The following TANC2 variants were observed in gnomAD, a reference collection of about 807,000 sequenced individuals.
TANC2 encodes protein TANC2.
In TANC2, 26 loss-of-function variants were observed where a neutral mutation model predicts 210.5. The observed-to-expected ratio is 0.12, with a 90% CI of 0.09 to 0.17. The LOEUF (loss-of-function observed/expected upper bound fraction) is 0.17. Among genes scored for constraint, TANC2 ranks in the 10% least tolerant of loss-of-function variants. The pLI, the probability that TANC2 is intolerant of heterozygous loss-of-function variation, is 1.00. For synonymous variants in TANC2, 931 were observed against 967.1 expected (o/e 0.96, Z 0.69); for missense variants, 2,129 against 2,608.9 (o/e 0.82, Z 4.01).
intron 5 of TANC2, among the ~76,000 whole-genome samples, chr17:63,173,599 T>C (rs1054303399): frequency 6.6e-6 from 1 of 152,186 alleles, no homozygotes; most frequent in African/African-American, 2.4e-5. Context: ...CTTTCCTTTT[T>C]TCTATTATAA....
At chr17:62,982,449 T>C (rs2032352161) in intron 1 of TANC2, among the ~76,000 whole-genome samples, 1 of 152,208 alleles carries the variant, frequency 6.6e-6, no homozygotes, top group East Asian at 1.9e-4. Flanking sequence ...TTTTTCAACA[T>C]TTTGATCTTT....
chr17:63,294,276 G>A (rs1389197133), intron 9 of TANC2, among the ~76,000 whole-genome samples: 2 of 152,036 alleles, frequency 1.3e-5, no homozygotes, highest in South Asian at 2.1e-4. Context: ...TCAGGAGTTC[G>A]ACACCAGCGT....
intron 1 of TANC2, among the ~76,000 whole-genome samples, chr17:63,005,896 TTGTGTGTGTGTGTGTG>T (rs56763847): frequency 7.0e-4 from 93 of 132,844 alleles, no homozygotes; most frequent in Admixed American, 1.0e-3. Flanking sequence ...GCTGTATAGT[TTGTGTGTGTGTGTGTG>T]TGTGTGTGTG....
At chr17:63,121,994 G>A (rs1333012598) in intron 4 of TANC2, among the ~76,000 whole-genome samples, 1 of 151,376 alleles carries the variant, frequency 6.6e-6, no homozygotes, top group Non-Finnish European at 1.5e-5. Flanking sequence ...AAGAGGGGGA[G>A]GGGAGGGTGC....
chr17:63,119,593 AT>A (rs2038383785), intron 4 of TANC2, among the ~76,000 whole-genome samples: 3 of 152,202 alleles, frequency 2.0e-5, no homozygotes, highest in Non-Finnish European at 4.4e-5. Context: ...GGAATTTTAA[AT>A]TTTATGTATA....
chr17:63,050,306 G>A (rs1306751175), intron 2 of TANC2, among the ~76,000 whole-genome samples: 4 of 151,174 alleles, frequency 2.6e-5, no homozygotes, highest in East Asian at 1.9e-4. Flanking sequence ...TCAGTGAGCC[G>A]TGATCATGCC....
chr17:63,281,539 T>G (rs927160033), intron 9 of TANC2, among the ~76,000 whole-genome samples: 4 of 151,890 alleles, frequency 2.6e-5, no homozygotes, highest in Admixed American at 2.0e-4. Flanking sequence ...CCGGCTAAGT[T>G]AACTTGAACA....
At chr17:63,131,501 A>G (rs562045649) in intron 4 of TANC2, among the ~76,000 whole-genome samples, 13 of 150,644 alleles carry the variant, frequency 8.6e-5, no homozygotes, top group African/African-American at 2.2e-4. Flanking sequence ...CAAATATCAC[A>G]TCGTTATTAC....
intron 9 of TANC2, among the ~76,000 whole-genome samples, chr17:63,304,218 A>C (rs1038908230): frequency 2.6e-4 from 39 of 151,848 alleles, no homozygotes; most frequent in Non-Finnish European, 1.2e-4. Flanking sequence ...CCTCTTCATG[A>C]GTCTGTCTAG....
At chr17:63,351,166 C>A in intron 12 of TANC2, 84 bp from the exon 13 acceptor site, 1 of 1,254,236 alleles carries the variant, frequency 8.0e-7, no homozygotes, top group Non-Finnish European at 1.1e-6. Flanking sequence ...TATTTTGTTC[C>A]AAAGAAATAT....
At chr17:63,006,970 A>G (rs994615702) in intron 1 of TANC2, among the ~76,000 whole-genome samples, 1 of 152,134 alleles carries the variant, frequency 6.6e-6, no homozygotes, top group Non-Finnish European at 1.5e-5. Flanking sequence ...TCACGCCTGT[A>G]TTCTCAGCAC....
At chr17:63,131,545 T>C (rs896529577) in intron 4 of TANC2, among the ~76,000 whole-genome samples, 1 of 148,612 alleles carries the variant, frequency 6.7e-6, no homozygotes, top group Non-Finnish European at 1.5e-5. Context: ...TTTTTTTTTT[T>C]CTACATTACA....
chr17:62,998,253 G>A (rs779226158), intron 1 of TANC2, among the ~76,000 whole-genome samples: 18 of 152,308 alleles, frequency 1.2e-4, no homozygotes, highest in Non-Finnish European at 1.9e-4. Context: ...GAATCTCTGA[G>A]AAATATGGGG....
chr17:63,241,522 A>T (rs943699114), intron 8 of TANC2, among the ~76,000 whole-genome samples: 33 of 152,134 alleles, frequency 2.2e-4, no homozygotes, highest in Non-Finnish European at 7.3e-5. Context: ...AACCACACTC[A>T]TTTATTTATT....
intron 9 of TANC2, among the ~76,000 whole-genome samples, chr17:63,281,444 A>G (rs2044054762): frequency 6.6e-6 from 1 of 152,136 alleles, no homozygotes; most frequent in Non-Finnish European, 1.5e-5. Context: ...TATAGAAGAA[A>G]TCCTAATAAG....
intron 26 of TANC2, 31 bp downstream of exon 26, chr17:63,415,705 C>G: frequency 6.2e-7 from 1 of 1,605,056 alleles, no homozygotes; most frequent in Non-Finnish European, 8.5e-7. Context: ...CTCCTTTCTG[C>G]AATCCTGGTA....
chr17:63,182,102 G>GCCT, intron 5 of TANC2: 1 of 152,588 alleles, frequency 6.6e-6, no homozygotes, highest in East Asian at 1.9e-4. Context: ...GCCGAGCCCT[G>GCCT]CCTCCCCTTC....
chr17:63,218,279 A>G (rs1326304208), intron 7 of TANC2, among the ~76,000 whole-genome samples: 1 of 152,092 alleles, frequency 6.6e-6, no homozygotes, highest in Admixed American at 6.6e-5. Flanking sequence ...AGGAGGGAAA[A>G]AAAAAATCGA....
At chr17:63,184,069 A>G (rs916453048) in intron 5 of TANC2, among the ~76,000 whole-genome samples, 10 of 152,206 alleles carry the variant, frequency 6.6e-5, no homozygotes, top group African/African-American at 2.2e-4. Flanking sequence ...TGAGTGGGAA[A>G]AAATAGATAA....
Sources: gnomAD v4.1 joint callset for allele counts (sites outside exome capture counted in the v4.1 genomes callset) on GRCh38, gnomAD v4.1.1 for gene constraint, MANE v1.5 for transcripts, NCBI Gene and HGNC (gene_info 2026-07-23, HGNC 2026-07-21) for gene names.